Variants in POLR1A observed in about 807,000 individuals in gnomAD.
POLR1A encodes RNA polymerase I subunit A, also known as DNA-directed RNA polymerase I subunit RPA1.
In POLR1A, 84 loss-of-function variants were observed where a neutral mutation model predicts 205.3. The observed-to-expected ratio is 0.41, with a 90% CI of 0.34 to 0.49. POLR1A has a LOEUF of 0.49. Among genes scored for constraint, POLR1A ranks in the 20% least tolerant of loss-of-function variants. The pLI is 0.22. For missense variants in POLR1A, 1,645 were observed against 2,204.5 expected (o/e 0.75, Z 5.08); for synonymous variants, 799 against 863.7 (o/e 0.93, Z 1.31).
At chr2:86,104,474 A>G (rs1673882214) in intron 1 of POLR1A, among the ~76,000 whole-genome samples, 1 of 131,820 alleles carries the variant, frequency 7.6e-6, no homozygotes, top group South Asian at 2.4e-4. Flanking sequence ...TTTGAGACAG[A>G]GTATTGCTCT....
At chr2:86,092,733 C>CAGAATCA (rs1390250577) in intron 3 of POLR1A, among the ~76,000 whole-genome samples, 41 of 152,208 alleles carry the variant, frequency 2.7e-4, no homozygotes, top group Middle Eastern at 3.4e-3. Context: ...GCTGAGGCAC[C>CAGAATCA]AGAATCACTT....
intron 16 of POLR1A, among the ~76,000 whole-genome samples, chr2:86,050,600 A>G (rs1227971883): frequency 1.3e-5 from 2 of 152,004 alleles, no homozygotes; most frequent in African/African-American, 4.8e-5. Context: ...TCATCTTCAC[A>G]CTCAAGGGAC....
chr2:86,092,765 C>T (rs889609360), intron 3 of POLR1A, among the ~76,000 whole-genome samples: 13 of 152,156 alleles, frequency 8.5e-5, no homozygotes, highest in Admixed American at 4.6e-4. Context: ...GTGGAGGCTG[C>T]AGCGAGCCAA....
At chr2:86,093,169 G>A (rs1673638602) in intron 3 of POLR1A, among the ~76,000 whole-genome samples, 1 of 152,162 alleles carries the variant, frequency 6.6e-6, no homozygotes. Flanking sequence ...AGCCACCACA[G>A]CAAAATAGGA....
intron 3 of POLR1A, among the ~76,000 whole-genome samples, chr2:86,093,745 C>G (rs182629932): frequency 6.6e-6 from 1 of 152,136 alleles, no homozygotes; most frequent in Non-Finnish European, 1.5e-5. Context: ...TGGGAGATCG[C>G]TTGAACCCCG....
At chr2:86,082,503 T>C (rs1180137119) in intron 7 of POLR1A, among the ~76,000 whole-genome samples, 1 of 151,378 alleles carries the variant, frequency 6.6e-6, no homozygotes, top group African/African-American at 2.4e-5. Flanking sequence ...TAAAATGTAC[T>C]AGGGCCTGCC....
intron 11 of POLR1A, among the ~76,000 whole-genome samples, chr2:86,076,044 G>T (rs1158070825): frequency 6.6e-6 from 1 of 152,190 alleles, no homozygotes; most frequent in Non-Finnish European, 1.5e-5. Context: ...AATCAAGGTG[G>T]TACTTGAGAT....
intron 6 of POLR1A, among the ~76,000 whole-genome samples, chr2:86,084,541 T>C (rs933485659): frequency 2.0e-5 from 3 of 152,236 alleles, no homozygotes; most frequent in Admixed American, 2.0e-4. Flanking sequence ...CACTATGCCT[T>C]GTCTGTGTTC....
chr2:86,072,834 G>A (rs1157876213), intron 12 of POLR1A, among the ~76,000 whole-genome samples: 2 of 152,206 alleles, frequency 1.3e-5, no homozygotes, highest in African/African-American at 4.8e-5. Context: ...CTCCCCGGAC[G>A]AGACCTCAGT....
intron 18 of POLR1A, among the ~76,000 whole-genome samples, chr2:86,048,507 C>T (rs1672745256): frequency 6.6e-6 from 1 of 152,242 alleles, no homozygotes; most frequent in South Asian, 2.1e-4. Flanking sequence ...GGACTGGAAC[C>T]TGAGCCTTCA....
chr2:86,090,192 G>A lies in POLR1A; in HGVS notation c.433-263C>T, dbSNP rs138866456. On this transcript the variant is annotated intron_variant, in intron 3 of 33. Coordinates refer to ENST00000263857, the MANE Select transcript of POLR1A (RefSeq NM_015425.6). ...GCGGATCACTAGAGCTCAGGAGTTT[G>A]AGACCAGCCTGAGCAACATGGTGAA... Among the ~76,000 whole-genome samples the A allele has an allele frequency of 5.0e-4, 76 of 152,192 alleles. 1 individual carries two copies. Among genetic ancestry groups the A allele is most frequent in the African/African-American group, 1.7e-3 (72 of 41,528 alleles).
chr2:86,023,755 T>TTTTTG lies in POLR1A; in HGVS notation c.*3667_*3668insCAAAA, dbSNP rs1491404481. 2 of 15,062 alleles carry TTTTTG rather than the reference T, an allele frequency of 1.3e-4. No individual in the cohort carries two copies. Among genetic ancestry groups the TTTTTG allele is most frequent in the African/African-American group, 4.4e-3 (2 of 458 alleles). The allele number at this position is 15,062 out of a possible 1,614,324, so 0.9% of individuals were successfully genotyped here. A position where few individuals can be genotyped will look rare whatever the true frequency, so the allele number is the denominator to read the frequency against. On this transcript the variant is annotated 3_prime_UTR_variant, in exon 34 of 34. Transcript: ENST00000263857. ...AAGGAAAGCAGGGTCTGAGTTTTTG[T>TTTTTG]TTTTTTTTTTTTTTGAGACGGAATC... is the stretch of plus-strand genomic sequence containing the variant.
rs78529529 is a variant in POLR1A at position 86,021,057 on chromosome 2, A to G, written c.*6366T>C. The G allele has an allele frequency of 1.3e-5, 2 of 152,364 alleles. No homozygotes were observed. The highest frequency in any genetic ancestry group is 1.3e-4 in the Admixed American group (2 of 15,300). The allele number at this position is 152,364 out of a possible 1,614,324, so 9.4% of individuals were successfully genotyped here. A position where few individuals can be genotyped will look rare whatever the true frequency, so the allele number is the denominator to read the frequency against. ...GCCCAAAACGCAGCCTCACTGCTCA[A>G]TCACATTCTTGAGGTTTGATTGGCT... On this transcript the variant is annotated 3_prime_UTR_variant, in exon 34 of 34. Coordinates refer to ENST00000263857, the MANE Select transcript of POLR1A (RefSeq NM_015425.6).
chr2:86,057,537 G>C (rs1672917044), intron 14 of POLR1A, among the ~76,000 whole-genome samples: 1 of 152,088 alleles, frequency 6.6e-6, no homozygotes, highest in Non-Finnish European at 1.5e-5. Flanking sequence ...TTTATTTGTA[G>C]TATCCAAAAA....
intron 20 of POLR1A, 53 bp downstream of exon 20, chr2:86,045,564 A>T (rs1309730356): frequency 7.5e-6 from 12 of 1,591,490 alleles, no homozygotes; most frequent in Non-Finnish European, 9.5e-6. Flanking sequence ...GTTCACCTAC[A>T]ATTAAGCCTA....
intron 3 of POLR1A, among the ~76,000 whole-genome samples, chr2:86,091,755 T>C (rs1673611652): frequency 6.6e-6 from 1 of 152,208 alleles, no homozygotes; most frequent in Non-Finnish European, 1.5e-5. Flanking sequence ...TCTCTCTCAA[T>C]CTGTCTTTCG....
Position 86,029,014 on chromosome 2 carries a change from C to T in POLR1A, c.4780-303G>A, listed in dbSNP as rs552348484. Among the ~76,000 whole-genome samples the T allele has an allele frequency of 4.6e-5, 7 of 152,284 alleles. No homozygotes were observed. The South Asian group carries it at 1.5e-3, about 32-fold the overall frequency. On this transcript the variant is annotated intron_variant, in intron 31 of 33. Coordinates refer to ENST00000263857, the MANE Select transcript of POLR1A (RefSeq NM_015425.6). ...TTTTCTTCTTATTTTTAAACTGAGA[C>T]CTGTTTACTAGGATTAAGGCTTCCC...
intron 12 of POLR1A, among the ~76,000 whole-genome samples, chr2:86,073,618 C>T (rs555922989): frequency 6.6e-6 from 1 of 152,326 alleles, no homozygotes; most frequent in African/African-American, 2.4e-5. Flanking sequence ...CTTAAAGTCA[C>T]TGTCTGTCAC....
Position 86,028,577 on chromosome 2 carries a change from C to G in POLR1A, c.4897+17G>C, listed in dbSNP as rs759019818. On this transcript the variant is annotated intron_variant, in intron 32 of 33. Coordinates refer to ENST00000263857, the MANE Select transcript of POLR1A (RefSeq NM_015425.6). The surrounding 1 kb of genome is among the most constrained non-coding windows in gnomAD (Gnocchi z 4.5). ...TGGTGCCCAGACCTCGGGGTGTTAT[C>G]TGCAAGCTCCCCTTACCATACACGG... 4 of 1,593,338 alleles carry G rather than the reference C, an allele frequency of 2.5e-6. No homozygotes were observed. The African/African-American group carries it at 5.4e-5, about 21-fold the overall frequency.
Sources: allele counts gnomAD v4.1 joint callset (sites outside exome capture counted in the v4.1 genomes callset), GRCh38; gene constraint gnomAD v4.1.1; non-coding constraint Gnocchi (gnomAD v3.1); transcripts MANE v1.5; gene names NCBI Gene and HGNC (gene_info 2026-07-23, HGNC 2026-07-21).